NUP205: variants seen among roughly 807,000 people sequenced by gnomAD.
NUP205 encodes the protein nucleoporin 205, also known as nuclear pore complex protein Nup205.
NUP205 carries 76 observed loss-of-function variants against 253.8 expected under a neutral mutation model. The ratio of observed to expected loss-of-function variants is 0.30; its 90% CI spans 0.25 to 0.36. The LOEUF (loss-of-function observed/expected upper bound fraction) is 0.36. Among genes scored for constraint, NUP205 ranks in the 10% least tolerant of loss-of-function variants. The pLI is 1.00. For missense variants in NUP205, 2,162 were observed against 2,425.5 expected, an observed-to-expected ratio of 0.89 and a Z score of 2.28; for synonymous variants, 832 against 850.1, an observed-to-expected ratio of 0.98 and a Z score of 0.37.
chr7:135,605,486 G>T (rs1458485718), intron 19 of NUP205, among the ~76,000 whole-genome samples: 1 of 152,170 alleles, frequency 6.6e-6, no homozygotes, highest in Admixed American at 6.5e-5. Context: ...TTCTAGATGT[G>T]ATTACTTAGA....
rs1805487915 is a variant in NUP205 at position 135,558,305 on chromosome 7, C to G, written c.28+333C>G. 2.1e-5 allele frequency: 8 copies of G among 380,510 alleles called. No homozygotes were observed. The South Asian group carries it at 2.2e-4, about 11-fold the overall frequency. 23.6% of individuals were successfully genotyped at this position (380,510 alleles called of 1,614,324 possible). A position where few individuals can be genotyped will look rare whatever the true frequency, so the allele number is the denominator to read the frequency against. On this transcript the variant is annotated intron_variant, in intron 1 of 42. Coordinates refer to ENST00000285968, the MANE Select transcript of NUP205 (RefSeq NM_015135.3). ...CTGTGGTCCCGATTTCGCTGGAATA[C>G]GCATCAGGTCTTCCACAGTGAAGCC... is the stretch of plus-strand genomic sequence containing the variant.
At chr7:135,595,061 A>G (rs955058900) in intron 13 of NUP205, among the ~76,000 whole-genome samples, 1 of 152,022 alleles carries the variant, frequency 6.6e-6, no homozygotes, top group Non-Finnish European at 1.5e-5. Flanking sequence ...AGCCCTCACA[A>G]ATCACCTGCA....
intron 33 of NUP205, among the ~76,000 whole-genome samples, chr7:135,626,563 A>G (rs933094480): frequency 6.7e-6 from 1 of 149,872 alleles, no homozygotes; most frequent in Non-Finnish European, 1.5e-5. Context: ...GAGAGAATTT[A>G]GTAAATGTGT....
intron 34 of NUP205, among the ~76,000 whole-genome samples, chr7:135,628,826 C>A (rs1794647139): frequency 6.6e-6 from 1 of 152,176 alleles, no homozygotes; most frequent in Non-Finnish European, 1.5e-5. Flanking sequence ...GCCATCTCAC[C>A]AAGGTAGATG....
intron 5 of NUP205, 45 bp downstream of exon 5, chr7:135,577,173 C>T (rs763513682): frequency 1.3e-6 from 2 of 1,550,674 alleles, no homozygotes; most frequent in Non-Finnish European, 1.8e-6. Flanking sequence ...TGTCAAATCT[C>T]AGAGGCAGAA....
At position 135,643,475 on chromosome 7, in the gene NUP205, C is replaced by A; in HGVS notation, c.5559+117C>A. ...TATGACTGAAGGAATTGGAATGATT[C>A]TTCTGTGTGATTTGAAGAAGACTCC... On this transcript the variant is annotated intron_variant, in intron 39 of 42. Transcript: ENST00000285968. 4.0e-6 allele frequency: 3 copies of A among 753,690 alleles called. No homozygotes were observed. The South Asian group carries it at 7.4e-5, about 19-fold the overall frequency. 46.7% of individuals were successfully genotyped at this position (753,690 alleles called of 1,614,324 possible).
Position 135,625,171 on chromosome 7 carries a change from C to A in NUP205, c.4487C>A (p.Ala1496Asp). Residue 1496 changes from alanine to aspartate, a missense_variant, in exon 32 of 43, where the codon GCC becomes GAC. Ala to Asp is a moderately radical substitution (Grantham distance 126). Around this residue, in one of 5 missense-constraint regions of NUP205, gnomAD observed 1,144 missense variants for 1,280.9 expected, o/e 0.89. Transcript: ENST00000285968. ...AATTTATTCTTCCTTCAGATGCTGG[C>A]CCTGGCTCTACTTGATAGAATTGTC... ...CDGHEIGRML[A>D]LALLDRIVSV... 6.2e-7 allele frequency: 1 copy of A among 1,611,572 alleles called. No individual in the cohort carries two copies. The highest frequency in any genetic ancestry group is 8.5e-7 in the Non-Finnish European group (1 of 1,179,334).
intron 36 of NUP205, among the ~76,000 whole-genome samples, chr7:135,636,533 G>A (rs1794814046): frequency 1.3e-5 from 2 of 152,066 alleles, no homozygotes; most frequent in South Asian, 4.1e-4. Flanking sequence ...TCTTTTATTG[G>A]TATGGAGGAA....
intron 30 of NUP205, 139 bp downstream of exon 30, chr7:135,620,027 CA>C: frequency 1.6e-6 from 1 of 637,168 alleles, no homozygotes; most frequent in South Asian, 2.0e-5. Context: ...AGCATTTACT[CA>C]AAAGTTGAGG....
intron 19 of NUP205, among the ~76,000 whole-genome samples, chr7:135,604,690 T>G (rs1219290559): frequency 6.6e-6 from 1 of 152,230 alleles, no homozygotes; most frequent in Non-Finnish European, 1.5e-5. Context: ...TGTGGCACAC[T>G]GCTACTCTGG....
chr7:135,567,133 T>C (rs1198625793), intron 1 of NUP205, among the ~76,000 whole-genome samples: 4 of 6,192 alleles, frequency 6.5e-4, no homozygotes, highest in African/African-American at 1.8e-3. Flanking sequence ...TGTGTGTATA[T>C]ATATATATAT....
In NUP205 at chr7:135,611,042, G is replaced by A. The variant is rs1486919548; in HGVS notation, c.3196-3117G>A. 2.8e-5 allele frequency among the ~76,000 whole-genome samples: 4 copies of A among 143,676 alleles called. No individual in the cohort carries two copies. In the East Asian group the frequency reaches 8.1e-4, roughly 29 times the overall value. 94.3% of individuals were successfully genotyped at this position (143,676 alleles called of 152,430 possible). On this transcript the variant is annotated intron_variant, in intron 22 of 42. Transcript: ENST00000285968. ...TGGGTGGGGGACAGAGTCTTGCTCT[G>A]TCGCCTTGCCTGGAGTGCAGTGGTG...
chr7:135,589,979 C>T (rs76245965), intron 10 of NUP205, among the ~76,000 whole-genome samples: 3 of 151,074 alleles, frequency 2.0e-5, no homozygotes, highest in Admixed American at 6.6e-5. Context: ...TTTAAGAAAG[C>T]TAGCAGTAAT....
rs79009087 is a variant in NUP205, at chr7:135,642,887, T to A, written c.5393-305T>A. Among the ~76,000 whole-genome samples, 16,151 of 149,498 alleles carry A rather than the reference T, an allele frequency of 0.11. 1,129 individuals carry two copies. Among genetic ancestry groups the A allele is most frequent in the Non-Finnish European group, 0.17 (11,296 of 67,436 alleles). ...GTGTGTGTGTGTGTGTGTGTAAGGT[T>A]TATACTTTGATAGAGTTCTCAAAGG... On this transcript the variant is annotated intron_variant, in intron 38 of 42. Transcript: ENST00000285968.
At chr7:135,617,419 A>G (rs1030881908) in intron 26 of NUP205, among the ~76,000 whole-genome samples, 172 bp downstream of exon 26, 1 of 152,156 alleles carries the variant, frequency 6.6e-6, no homozygotes, top group Admixed American at 6.5e-5. Flanking sequence ...TTAATATATC[A>G]CCTAACTTCT....
chr7:135,566,992 G>T (rs1303914971), intron 1 of NUP205, among the ~76,000 whole-genome samples: 1 of 150,950 alleles, frequency 6.6e-6, no homozygotes, highest in Non-Finnish European at 1.5e-5. Flanking sequence ...GCCCACCTCG[G>T]CTTCCCAAAG....
chr7:135,574,741 C>G (rs1205766188), intron 3 of NUP205, among the ~76,000 whole-genome samples: 1 of 152,114 alleles, frequency 6.6e-6, no homozygotes, highest in African/African-American at 2.4e-5. Flanking sequence ...TTACATAATT[C>G]ATTCTAACTC....
chr7:135,608,974 G>A (rs559528848), intron 22 of NUP205, among the ~76,000 whole-genome samples: 87 of 150,730 alleles, frequency 5.8e-4, no homozygotes, highest in African/African-American at 2.0e-3. Flanking sequence ...CCTGGTTGTG[G>A]ACGCCTGTAA....
chr7:135,635,631 C>T lies in NUP205; in HGVS notation c.5110C>T (p.Leu1704=). 6.3e-7 allele frequency: 1 copy of T among 1,589,256 alleles called. No homozygotes were observed. Reference sequence around the variant, plus strand: ...TGTAAATGAAGGGTCTCTAATGGAGCTACAGGGACATATTGGAAGATTCCA... The same window carrying T: ...TGTAAATGAAGGGTCTCTAATGGAGTTACAGGGACATATTGGAAGATTCCA... ...VDVNEGSLME[L]QGHIGRFQRQ... The change falls in exon 36 of 43, where the codon CTA becomes TTA. Residue 1704 remains leucine, a synonymous_variant. Transcript: ENST00000285968.
Sources: gnomAD v4.1 joint callset for allele counts (sites outside exome capture counted in the v4.1 genomes callset) on GRCh38, gnomAD v4.1.1 for gene constraint, gnomAD v4.1.1 regional missense constraint, MANE v1.5 for transcripts, NCBI Gene and HGNC (gene_info 2026-07-23, HGNC 2026-07-21) for gene names.